Variants in NCOR1 observed in about 807,000 individuals in gnomAD.
NCOR1 encodes protein phosphatase 1, regulatory subunit 109.
NCOR1 carries 63 observed loss-of-function variants against 288.1 expected under a neutral mutation model. The observed-to-expected ratio is 0.22, with a 90% CI of 0.18 to 0.27. The LOEUF is 0.27. Ranked by LOEUF, NCOR1 falls within the 10% of genes least tolerant of loss-of-function variation. The pLI is 1.00. For synonymous variants in NCOR1, 1,007 were observed against 1,065.9 expected (o/e 0.94, Z 1.08); for missense variants, 2,397 against 3,019.2 (o/e 0.79, Z 4.83).
chr17:16,044,948 G>C, intron 42 of NCOR1: 1 of 567,398 alleles, frequency 1.8e-6, no homozygotes, highest in South Asian at 1.7e-5. Context: ...TGGGCTTTTG[G>C]TTGTTTTGAC....
intron 1 of NCOR1, among the ~76,000 whole-genome samples, chr17:16,211,281 C>G (rs2092105497): frequency 6.6e-6 from 1 of 150,412 alleles, no homozygotes; most frequent in African/African-American, 2.4e-5. Context: ...TTTTGAGAGA[C>G]AGTCTTGCTC....
At chr17:16,147,315 G>A (rs180901526) in intron 9 of NCOR1, among the ~76,000 whole-genome samples, 9 of 145,186 alleles carry the variant, frequency 6.2e-5, no homozygotes, top group African/African-American at 2.3e-4. Flanking sequence ...AGGCTGAGGC[G>A]GGAGAATCGC....
chr17:16,213,671 C>G (rs568668097), intron 1 of NCOR1, among the ~76,000 whole-genome samples: 2 of 152,028 alleles, frequency 1.3e-5, no homozygotes, highest in Admixed American at 1.3e-4. Context: ...CCCCTTCAAT[C>G]TGTTTAAAAC....
rs2061331144 is a variant in NCOR1, at chr17:16,068,053, T to C, written c.4582A>G (p.Ser1528Gly). The C allele has an allele frequency of 2.5e-6, 4 of 1,614,198 alleles. No homozygotes were observed. Among genetic ancestry groups the C allele is most frequent in the Non-Finnish European group, 3.4e-6 (4 of 1,180,032 alleles). Residue 1528 changes from serine (S) to glycine (G), a missense_variant, in exon 32 of 46, where the codon AGT becomes GGT. Ser to Gly is a moderately conservative substitution (Grantham distance 56). Coordinates refer to ENST00000268712, the MANE Select transcript of NCOR1 (RefSeq NM_006311.4). Reference sequence around the variant, plus strand: ...GGCACTGGAGACTTCGCTGGGATACTTTCCCTCTGGGTAGGGGTCAGTGTC... The same window carrying C: ...GGCACTGGAGACTTCGCTGGGATACCTTCCCTCTGGGTAGGGGTCAGTGTC... Reference protein sequence around the residue: ...KSTLTPTQRESIPAKSPVPGV... With the variant: ...KSTLTPTQREGIPAKSPVPGV...
At chr17:16,057,267 T>C in intron 40 of NCOR1, 1 of 478,604 alleles carries the variant, frequency 2.1e-6, no homozygotes. Flanking sequence ...TCTTCTTAAC[T>C]GTCTTTACAA....
intron 1 of NCOR1, among the ~76,000 whole-genome samples, chr17:16,206,033 C>T (rs936932886): frequency 6.6e-6 from 1 of 151,082 alleles, no homozygotes; most frequent in Admixed American, 6.6e-5. Flanking sequence ...ATCAGAATCA[C>T]ATTTTTTCAG....
Position 16,119,481 on chromosome 17 carries a change from A to T in NCOR1, c.1857T>A (p.Ser619=). The T allele has an allele frequency of 6.3e-7, 1 of 1,599,940 alleles. No homozygotes were observed. Reference sequence around the variant, plus strand: ...ATCGAGAGGTCTCCACAGGCTCTGTAGAAACTAAAATAAAGAGAGAACCCA... The same window carrying T: ...ATCGAGAGGTCTCCACAGGCTCTGTTGAAACTAAAATAAAGAGAGAACCCA... The part of the protein sequence containing the change: ...PPLPPPPEPI[S]TEPVETSRWT... Residue 619 remains serine (S), a synonymous_variant, in exon 17 of 46, where the codon TCT becomes TCA. Transcript: ENST00000268712.
chr17:16,205,709 G>A lies in NCOR1; in HGVS notation c.-71+9653C>T, dbSNP rs547092884. ...TCCCAGCACTTTGGGAGGCCAAGGT[G>A]GGTGGATCACCTGAGGTCGAGAGTT... On this transcript the variant is annotated intron_variant, in intron 1 of 45. Coordinates refer to ENST00000268712, the MANE Select transcript of NCOR1 (RefSeq NM_006311.4). 1.9e-4 allele frequency among the ~76,000 whole-genome samples: 29 copies of A among 151,538 alleles called. No homozygotes were observed. The South Asian group carries it at 5.8e-3, about 31-fold the overall frequency.
intron 15 of NCOR1, among the ~76,000 whole-genome samples, chr17:16,125,719 A>C (rs972209916): frequency 3.9e-4 from 59 of 151,940 alleles, no homozygotes; most frequent in African/African-American, 1.2e-3. Flanking sequence ...AAAAAAAAAA[A>C]AAACTATACT....
At chr17:16,091,093 T>A (rs566574920) in intron 22 of NCOR1, among the ~76,000 whole-genome samples, 1 of 152,196 alleles carries the variant, frequency 6.6e-6, no homozygotes, top group East Asian at 1.9e-4. Flanking sequence ...AAAGTAAAAG[T>A]GTATCACACA....
At chr17:16,208,707 G>C (rs1419472080) in intron 1 of NCOR1, among the ~76,000 whole-genome samples, 2 of 151,902 alleles carry the variant, frequency 1.3e-5, no homozygotes, top group Non-Finnish European at 2.9e-5. Flanking sequence ...AAATTGACCA[G>C]GTGTGGTGGC....
In NCOR1 at chr17:16,034,813, G is replaced by A; in HGVS notation, c.7087C>T (p.His2363Tyr). ...VSSVHSEGDY[H>Y]RQTPGWAWED... The stretch of plus-strand genomic sequence containing the variant: ...CAGGCCCACCCTGGCGTCTGCCTAT[G>A]GTAATCCCCTTCTGAATGTACAGAG... The change falls in exon 45 of 46, where the codon CAT becomes TAT. Residue 2363 changes from histidine to tyrosine, a missense_variant. This residue lies in a region of NCOR1 where 1,872 missense variants were observed against 2,187.8 expected (regional missense o/e 0.86). Transcript: ENST00000268712. The A allele has an allele frequency of 1.2e-6, 2 of 1,614,078 alleles. No homozygotes were observed. The highest frequency in any genetic ancestry group is 1.7e-6 in the Non-Finnish European group (2 of 1,179,998).
chr17:16,040,893 A>AT (rs1485032592), intron 42 of NCOR1: 35 of 188,798 alleles, frequency 1.9e-4, no homozygotes, highest in Non-Finnish European at 3.1e-4. Context: ...AAATAAATAA[A>AT]AAAAGAAGCA....
At chr17:16,199,114 G>T (rs1295077344) in intron 1 of NCOR1, among the ~76,000 whole-genome samples, 1 of 148,098 alleles carries the variant, frequency 6.8e-6, no homozygotes, top group Non-Finnish European at 1.5e-5. Flanking sequence ...TGTCCGTTTT[G>T]TGGTATGACT....
intron 23 of NCOR1, among the ~76,000 whole-genome samples, chr17:16,081,547 C>T (rs2063415234): frequency 6.6e-6 from 1 of 152,076 alleles, no homozygotes; most frequent in Admixed American, 6.6e-5. Flanking sequence ...GCCTGGCAGC[C>T]ACTAGAAGGG....
rs746071633 is a variant in NCOR1 at position 16,065,008 on chromosome 17, G to C, written c.4963C>G (p.Leu1655Val). 4 of 1,613,500 alleles carry C rather than the reference G, an allele frequency of 2.5e-6. No individual in the cohort carries two copies. Among genetic ancestry groups the C allele is most frequent in the African/African-American group, 2.7e-5 (2 of 74,894 alleles). Residue 1655 changes from leucine to valine, a missense_variant, in exon 34 of 46, where the codon CTG (leucine) becomes GTG (valine). Leu to Val is a conservative substitution (Grantham distance 32). Coordinates refer to ENST00000268712, the MANE Select transcript of NCOR1 (RefSeq NM_006311.4). Reference protein sequence around the residue: ...PYPATRGIIDLTNMPPTILVP... With the variant: ...PYPATRGIIDVTNMPPTILVP... ...AAAATTGTTGGAGGCATATTGGTCA[G>C]GTCAATGATTCCTATCCAAAAGACA...
chr17:16,035,250 T>G (rs1033713053), intron 44 of NCOR1, among the ~76,000 whole-genome samples: 2 of 152,240 alleles, frequency 1.3e-5, no homozygotes, highest in African/African-American at 4.8e-5. Context: ...AAAGACTTAT[T>G]TGTAGCATGC....
At chr17:16,106,411 G>A (rs1281955336) in intron 19 of NCOR1, among the ~76,000 whole-genome samples, 2 of 149,594 alleles carry the variant, frequency 1.3e-5, no homozygotes, top group Admixed American at 6.8e-5. Flanking sequence ...AGCCAAACAT[G>A]AGTATCTTTT....
intron 15 of NCOR1, 42 bp downstream of exon 15, chr17:16,126,040 A>T (rs1001118617): frequency 4.1e-6 from 4 of 973,420 alleles, no homozygotes; most frequent in Non-Finnish European, 5.9e-6. Context: ...ATAAAATAAA[A>T]ATAAACATTT....
Sources: allele counts gnomAD v4.1 joint callset (sites outside exome capture counted in the v4.1 genomes callset), GRCh38; gene constraint gnomAD v4.1.1; regional missense constraint gnomAD v4.1.1; transcripts MANE v1.5; gene names NCBI Gene and HGNC (gene_info 2026-07-23, HGNC 2026-07-21).